MMUT: variants seen among roughly 807,000 people sequenced by gnomAD.
MMUT encodes the protein methylmalonyl-CoA mutase, mitochondrial.
A neutral mutation model predicts 79.9 loss-of-function variants in MMUT; 79 were observed. That is an observed-to-expected ratio of 0.99 (90% CI 0.82 to 1.19). The LOEUF is 1.19. Among genes scored for constraint, MMUT ranks in the 50% most tolerant of loss-of-function variants. The pLI is 0.00. For synonymous variants in MMUT, 273 were observed against 295.7 expected (o/e 0.92, Z 0.79); for missense variants, 860 against 917.2 (o/e 0.94, Z 0.81).
At chr6:49,455,959 A>G (rs1048049163) in intron 4 of MMUT, 121 bp downstream of exon 4, 23 of 913,932 alleles carry the variant, frequency 2.5e-5, no homozygotes, top group Non-Finnish European at 3.6e-5. Context: ...TCACTCAGAT[A>G]AAATATAAGA....
Position 49,431,569 on chromosome 6 carries a change from T to C in MMUT, c.*159A>G. ...AAGTGAAACTGTATGTACATACTTA[T>C]AGCATGACACCAGGCCTATAAGTAA... On this transcript the variant is annotated 3_prime_UTR_variant, in exon 13 of 13. Transcript: ENST00000274813. The C allele has an allele frequency of 1.5e-6, 1 of 681,820 alleles. No individual in the cohort carries two copies. 42.2% of individuals were successfully genotyped at this position (681,820 alleles called of 1,614,324 possible). A position where few individuals can be genotyped will look rare whatever the true frequency, so the allele number is the denominator to read the frequency against.
chr6:49,456,880 A>G (rs1260457738), intron 3 of MMUT, among the ~76,000 whole-genome samples: 1 of 152,196 alleles, frequency 6.6e-6, no homozygotes, highest in African/African-American at 2.4e-5. Flanking sequence ...ATCACTACAA[A>G]AACTGTATTT....
intron 9 of MMUT, 126 bp downstream of exon 9, chr6:49,444,513 T>C (rs1042914135): frequency 6.6e-6 from 5 of 757,960 alleles, no homozygotes; most frequent in African/African-American, 1.7e-5. Flanking sequence ...AAATTTACGA[T>C]GGATGCCATT....
intron 3 of MMUT, 107 bp downstream of exon 3, chr6:49,457,584 T>C: frequency 1.0e-6 from 1 of 976,234 alleles, no homozygotes; most frequent in Non-Finnish European, 1.5e-6. Context: ...CAAAACATTC[T>C]AAATTTATAT....
At chr6:49,436,614 A>G (rs547798414) in intron 11 of MMUT, among the ~76,000 whole-genome samples, 3 of 152,122 alleles carry the variant, frequency 2.0e-5, no homozygotes, top group Admixed American at 6.5e-5. Flanking sequence ...CAAAAAAAAA[A>G]AAAAAAATAC....
intron 1 of MMUT, among the ~76,000 whole-genome samples, chr6:49,461,887 A>C (rs1767857421): frequency 6.6e-6 from 1 of 152,206 alleles, no homozygotes; most frequent in Non-Finnish European, 1.5e-5. Flanking sequence ...ACTAGCTTAA[A>C]AGGTGGATGA....
At chr6:49,455,989 C>T (rs542613417) in intron 4 of MMUT, 91 bp downstream of exon 4, 2 of 1,123,358 alleles carry the variant, frequency 1.8e-6, no homozygotes, top group South Asian at 1.4e-5. Flanking sequence ...TCTAGCCTGA[C>T]ATTTATATTT....
intron 6 of MMUT, among the ~76,000 whole-genome samples, chr6:49,450,283 G>A (rs1390980367): frequency 6.6e-6 from 1 of 150,566 alleles, no homozygotes; most frequent in East Asian, 1.9e-4. Flanking sequence ...ATTATTTAAG[G>A]AGGTCCGTAG....
At chr6:49,445,977 G>A (rs1767402028) in intron 8 of MMUT, among the ~76,000 whole-genome samples, 1 of 151,966 alleles carries the variant, frequency 6.6e-6, no homozygotes, top group Non-Finnish European at 1.5e-5. Flanking sequence ...GTAGTAGGGT[G>A]CTATTGTAGA....
chr6:49,457,194 G>A (rs1255267196), intron 3 of MMUT, among the ~76,000 whole-genome samples: 1 of 152,206 alleles, frequency 6.6e-6, no homozygotes. Flanking sequence ...ACAGGAAAAT[G>A]AAGGAGGAAA....
chr6:49,456,967 C>T (rs988617755), intron 3 of MMUT, among the ~76,000 whole-genome samples: 4 of 152,108 alleles, frequency 2.6e-5, no homozygotes, highest in African/African-American at 9.7e-5. Flanking sequence ...ACTATCTTTA[C>T]CAAGAGTTAA....
intron 5 of MMUT, among the ~76,000 whole-genome samples, chr6:49,453,046 T>G (rs991351350): frequency 1.4e-4 from 19 of 137,636 alleles, no homozygotes; most frequent in South Asian, 2.5e-4. Flanking sequence ...TTTGTTTTTT[T>G]TTTTTTTTTT....
chr6:49,435,292 T>A (rs578045379), intron 12 of MMUT, among the ~76,000 whole-genome samples, 164 bp downstream of exon 12: 1 of 152,350 alleles, frequency 6.6e-6, no homozygotes, highest in South Asian at 2.1e-4. Flanking sequence ...ATAACTTGAA[T>A]GCAAAACAAC....
chr6:49,440,777 G>T (rs2127414887), intron 10 of MMUT, among the ~76,000 whole-genome samples: 1 of 152,192 alleles, frequency 6.6e-6, no homozygotes, highest in Admixed American at 6.5e-5. Context: ...GGTGAACTAA[G>T]ACAAAAAATG....
intron 5 of MMUT, among the ~76,000 whole-genome samples, chr6:49,453,031 CTTTCTTTGTT>C (rs1235906585): frequency 7.6e-6 from 1 of 131,528 alleles, no homozygotes; most frequent in African/African-American, 2.7e-5. Flanking sequence ...TGTTTTCTTT[CTTTCTTTGTT>C]TTTTTTTTTT....
In MMUT at chr6:49,444,724, C is replaced by G. The variant is rs1254539773; in HGVS notation, c.1591G>C (p.Glu531Gln). ...TCGGTTAGTGCAGCAAGACAACGTT[C>G]AGCCAAAGCTTGATCCCTGCTGGAT... ...IKSSRDQALA[E>Q]RCLAALTECA... Residue 531 changes from glutamate to glutamine, a missense_variant, in exon 9 of 13, where the codon GAA becomes CAA. Transcript: ENST00000274813. The G allele has an allele frequency of 6.2e-7, 1 of 1,613,300 alleles. No homozygotes were observed.
intron 6 of MMUT, among the ~76,000 whole-genome samples, chr6:49,449,454 G>A (rs549279896): frequency 1.3e-5 from 2 of 152,026 alleles, no homozygotes; most frequent in Admixed American, 1.3e-4. Flanking sequence ...CAAGAAAGAA[G>A]AATCTATATT....
chr6:49,439,388 G>A (rs1216790806), intron 11 of MMUT, among the ~76,000 whole-genome samples: 1 of 152,116 alleles, frequency 6.6e-6, no homozygotes, highest in Non-Finnish European at 1.5e-5. Flanking sequence ...ACCTATGGGG[G>A]CCTGCCAAAG....
At chr6:49,432,946 TA>T (rs137961660) in intron 12 of MMUT, among the ~76,000 whole-genome samples, 1,600 of 152,306 alleles carry the variant, frequency 0.011, 10 homozygotes, top group Non-Finnish European at 0.016. Context: ...ATGGTCATGC[TA>T]ATTACTCCCC....
Sources: allele counts gnomAD v4.1 joint callset (sites outside exome capture counted in the v4.1 genomes callset), GRCh38; gene constraint gnomAD v4.1.1; transcripts MANE v1.5; gene names NCBI Gene and HGNC (gene_info 2026-07-23, HGNC 2026-07-21).